DCC: variants seen among roughly 807,000 people sequenced by gnomAD.
The protein encoded by DCC is netrin receptor DCC.
A neutral mutation model predicts 172.5 loss-of-function variants in DCC; 58 were observed. That is an observed-to-expected ratio of 0.34 (90% CI 0.27 to 0.42). DCC has a LOEUF of 0.42. Among genes scored for constraint, DCC ranks in the 10% least tolerant of loss-of-function variants. DCC has a pLI of 1.00. For synonymous variants in DCC, 709 were observed against 644.5 expected, an observed-to-expected ratio of 1.10 and a Z score of -1.52; for missense variants, 1,740 against 1,791.0, an observed-to-expected ratio of 0.97 and a Z score of 0.51.
At chr18:53,265,442 T>A (rs1321729369) in intron 12 of DCC, among the ~76,000 whole-genome samples, 1 of 152,216 alleles carries the variant, frequency 6.6e-6, no homozygotes, top group African/African-American at 2.4e-5. Flanking sequence ...TGTGGACTGA[T>A]CATTATCAAG....
At chr18:52,566,893 T>C (rs2033174281) in intron 1 of DCC, among the ~76,000 whole-genome samples, 1 of 152,076 alleles carries the variant, frequency 6.6e-6, no homozygotes, top group Non-Finnish European at 1.5e-5. Context: ...TGACGTACCA[T>C]AAAAATGGAT....
At chr18:52,970,205 T>C (rs2041008084) in intron 5 of DCC, among the ~76,000 whole-genome samples, 1 of 152,136 alleles carries the variant, frequency 6.6e-6, no homozygotes, top group African/African-American at 2.4e-5. Context: ...ATTGACATTC[T>C]GATTGTTTAA....
At chr18:53,012,152 T>C (rs1446691251) in intron 5 of DCC, among the ~76,000 whole-genome samples, 1 of 151,978 alleles carries the variant, frequency 6.6e-6, no homozygotes, top group Non-Finnish European at 1.5e-5. Context: ...TGTAAATATA[T>C]GTCTTCCTTA....
At chr18:53,078,739 T>C (rs1389174106) in intron 7 of DCC, among the ~76,000 whole-genome samples, 1 of 152,178 alleles carries the variant, frequency 6.6e-6, no homozygotes, top group Non-Finnish European at 1.5e-5. Flanking sequence ...TTGACAAATA[T>C]ATACCAAGAA....
chr18:53,495,592 G>A (rs968845446), intron 26 of DCC, among the ~76,000 whole-genome samples: 2 of 151,916 alleles, frequency 1.3e-5, no homozygotes, highest in African/African-American at 2.4e-5. Context: ...ACAATTTGAC[G>A]ATTATGTGCC....
chr18:52,356,376 T>G (rs1984364009), intron 1 of DCC, among the ~76,000 whole-genome samples: 1 of 152,082 alleles, frequency 6.6e-6, no homozygotes, highest in South Asian at 2.1e-4. Context: ...ATAGAAAACT[T>G]TGGTTCAGGA....
intron 9 of DCC, among the ~76,000 whole-genome samples, chr18:53,203,981 T>C (rs1399136952): frequency 3.3e-5 from 5 of 152,328 alleles, no homozygotes; most frequent in South Asian, 2.1e-4. Context: ...ACACATTCTG[T>C]ATCTGAACCT....
intron 25 of DCC, among the ~76,000 whole-genome samples, chr18:53,468,336 G>GTTTTT (rs1568151496): frequency 1.3e-4 from 5 of 37,410 alleles, no homozygotes; most frequent in Non-Finnish European, 3.0e-4. Flanking sequence ...CATCTCCATA[G>GTTTTT]TTTATTTTTA....
intron 7 of DCC, among the ~76,000 whole-genome samples, chr18:53,140,635 T>C (rs113627181): frequency 1.3e-5 from 2 of 152,104 alleles, no homozygotes; most frequent in Non-Finnish European, 2.9e-5. Context: ...CAGAGAAATA[T>C]GCCGAAGTAG....
intron 5 of DCC, among the ~76,000 whole-genome samples, chr18:52,953,395 G>T (rs565238217): frequency 1.3e-5 from 2 of 152,214 alleles, no homozygotes; most frequent in South Asian, 4.2e-4. Context: ...AGGGCTTTCC[G>T]CCTCTGTGAC....
At chr18:52,573,043 T>G (rs1029655193) in intron 1 of DCC, among the ~76,000 whole-genome samples, 2 of 152,200 alleles carry the variant, frequency 1.3e-5, no homozygotes, top group African/African-American at 4.8e-5. Context: ...AGAAACCGTA[T>G]GTAATGTGAT....
chr18:52,639,131 C>G (rs2034841800), intron 1 of DCC, among the ~76,000 whole-genome samples: 1 of 151,918 alleles, frequency 6.6e-6, no homozygotes, highest in African/African-American at 2.4e-5. Context: ...ATGACACAAC[C>G]TACCAAAATC....
chr18:53,432,608 A>G (rs1599145630), intron 21 of DCC, among the ~76,000 whole-genome samples: 1 of 152,156 alleles, frequency 6.6e-6, no homozygotes, highest in South Asian at 2.1e-4. Flanking sequence ...TACAGCAACA[A>G]GCTCTTAAAA....
chr18:52,968,303 T>C (rs2040968314), intron 5 of DCC, among the ~76,000 whole-genome samples: 1 of 152,062 alleles, frequency 6.6e-6, no homozygotes, highest in African/African-American at 2.4e-5. Context: ...GTGAGGGTGT[T>C]GAAGGATGAA....
chr18:52,939,713 C>A (rs1480813896), intron 5 of DCC, among the ~76,000 whole-genome samples: 1 of 152,012 alleles, frequency 6.6e-6, no homozygotes, highest in African/African-American at 2.4e-5. Flanking sequence ...GAAATTGAGG[C>A]TCCTCATTAT....
At chr18:52,781,892 A>C (rs1176093262) in intron 2 of DCC, among the ~76,000 whole-genome samples, 1 of 152,144 alleles carries the variant, frequency 6.6e-6, no homozygotes, top group Non-Finnish European at 1.5e-5. Flanking sequence ...CTACCAGGGC[A>C]TATTTTAAAG....
chr18:52,628,553 C>T (rs1172308508), intron 1 of DCC, among the ~76,000 whole-genome samples: 2 of 152,186 alleles, frequency 1.3e-5, no homozygotes, highest in African/African-American at 4.8e-5. Flanking sequence ...CTGTTAATAA[C>T]TCTGGGCTTG....
Position 52,482,317 on chromosome 18 carries a change from A to G in DCC, c.91+141439A>G, listed in dbSNP as rs141276436. The stretch of plus-strand genomic sequence containing the variant: ...CTTAATTACCTAAGTACCTCACCCC[A>G]AATTATTTGCCAGTTCCCTAAATCT... On this transcript the variant is annotated intron_variant, in intron 1 of 28. Coordinates refer to ENST00000442544, the MANE Select transcript of DCC (RefSeq NM_005215.4). Among the ~76,000 whole-genome samples the G allele has an allele frequency of 9.8e-3, 1,495 of 152,282 alleles. 12 individuals are homozygous for G. Among genetic ancestry groups the G allele is most frequent in the Non-Finnish European group, 0.015 (1,041 of 68,010 alleles).
At chr18:52,426,084 T>A (rs1987415172) in intron 1 of DCC, among the ~76,000 whole-genome samples, 1 of 152,138 alleles carries the variant, frequency 6.6e-6, no homozygotes, top group African/African-American at 2.4e-5. Context: ...AGAGATCATC[T>A]AGGATTAGAT....
Sources: allele counts gnomAD v4.1 joint callset (sites outside exome capture counted in the v4.1 genomes callset), GRCh38; gene constraint gnomAD v4.1.1; transcripts MANE v1.5; gene names NCBI Gene and HGNC (gene_info 2026-07-23, HGNC 2026-07-21).